MAP3K7: variants seen among roughly 807,000 people sequenced by gnomAD.
MAP3K7 encodes mitogen-activated protein kinase kinase kinase 7.
MAP3K7 carries 21 observed loss-of-function variants against 84.8 expected under a neutral mutation model. The ratio of observed to expected loss-of-function variants is 0.25; its 90% CI spans 0.18 to 0.36. The LOEUF (loss-of-function observed/expected upper bound fraction) is 0.36, where lower values mean the gene tolerates loss of function less well. Among genes scored for constraint, MAP3K7 ranks in the 10% least tolerant of loss-of-function variants. The pLI, the probability that MAP3K7 is intolerant of heterozygous loss-of-function variation, is 1.00. For missense variants in MAP3K7, 503 were observed against 747.7 expected (o/e 0.67, Z 3.82); for synonymous variants, 241 against 247.7 (o/e 0.97, Z 0.25).
At chr6:90,570,447 G>T (rs1776863828) in intron 2 of MAP3K7, among the ~76,000 whole-genome samples, 1 of 152,108 alleles carries the variant, frequency 6.6e-6, no homozygotes, top group African/African-American at 2.4e-5. Context: ...TTCCTTCCTT[G>T]ACTTCAAACA....
chr6:90,586,036 A>C (rs1459216584), intron 1 of MAP3K7, among the ~76,000 whole-genome samples: 1 of 152,354 alleles, frequency 6.6e-6, no homozygotes, highest in East Asian at 1.9e-4. Flanking sequence ...CATGCCAGGT[A>C]CTGAAGTAGA....
At chr6:90,548,909 T>C (rs1452072666) in intron 9 of MAP3K7, among the ~76,000 whole-genome samples, 1 of 151,818 alleles carries the variant, frequency 6.6e-6, no homozygotes, top group Non-Finnish European at 1.5e-5. Flanking sequence ...TCCTTAAATG[T>C]AGTGATGTAG....
At chr6:90,565,964 A>G (rs1383589581) in intron 3 of MAP3K7, among the ~76,000 whole-genome samples, 2 of 152,224 alleles carry the variant, frequency 1.3e-5, no homozygotes, top group Admixed American at 6.5e-5. Flanking sequence ...GACAAAAACC[A>G]CATAATTATC....
chr6:90,568,718 G>A, intron 2 of MAP3K7, 95 bp from the exon 3 acceptor site: 1 of 870,774 alleles, frequency 1.1e-6, no homozygotes, highest in Non-Finnish European at 1.8e-6. Context: ...CAAAACATTT[G>A]TTTAAATCAT....
intron 2 of MAP3K7, 148 bp from the exon 3 acceptor site, chr6:90,568,771 G>A: frequency 1.7e-6 from 1 of 593,124 alleles, no homozygotes; most frequent in Non-Finnish European, 2.8e-6. Flanking sequence ...TGCAATCATA[G>A]TCACTGAAAA....
intron 1 of MAP3K7, among the ~76,000 whole-genome samples, chr6:90,583,933 C>G (rs938615198): frequency 4.6e-5 from 7 of 152,086 alleles, no homozygotes; most frequent in African/African-American, 1.7e-4. Flanking sequence ...TGAATTGAAT[C>G]TAAGATGTGC....
intron 10 of MAP3K7, among the ~76,000 whole-genome samples, chr6:90,547,838 A>G (rs1776052041): frequency 6.6e-6 from 1 of 152,202 alleles, no homozygotes. Context: ...TAGAATTGGC[A>G]AAGGTAGCAA....
intron 15 of MAP3K7, among the ~76,000 whole-genome samples, chr6:90,518,914 A>T (rs1775059089): frequency 6.6e-6 from 1 of 151,806 alleles, no homozygotes; most frequent in Admixed American, 6.6e-5. Flanking sequence ...TTCAGTCACT[A>T]TGAACATGAG....
At position 90,518,521 on chromosome 6, in the gene MAP3K7, C is replaced by T. The variant is rs1775044106; in HGVS notation, c.1566G>A (p.Val522=). 1 of 1,609,592 alleles carries T rather than the reference C, an allele frequency of 6.2e-7. No homozygotes were observed. The highest frequency in any genetic ancestry group is 1.3e-5 in the African/African-American group (1 of 74,826). The change falls in exon 16 of 17, where the codon GTG becomes GTA. Residue 522 remains valine, a synonymous_variant. Transcript: ENST00000369329. Reference sequence around the variant, plus strand: ...GTGCCATTTTACAATGCTGTTCAAACACTGCCATAGATTCTTTGGAGTTTG... The same window carrying T: ...GTGCCATTTTACAATGCTGTTCAAATACTGCCATAGATTCTTTGGAGTTTG... The part of the protein sequence containing the change: ...PCPNSKESMA[V]FEQHCKMAQE...
intron 3 of MAP3K7, 97 bp from the exon 4 acceptor site, chr6:90,561,764 T>C (rs933281261): frequency 1.2e-5 from 10 of 865,640 alleles, no homozygotes; most frequent in African/African-American, 3.4e-5. Flanking sequence ...TTTATAGATA[T>C]ATTAAAAATC....
At chr6:90,577,170 G>C (rs1192474334) in intron 1 of MAP3K7, among the ~76,000 whole-genome samples, 1 of 152,220 alleles carries the variant, frequency 6.6e-6, no homozygotes, top group African/African-American at 2.4e-5. Flanking sequence ...TTTAGAAGTA[G>C]AGTCAATAGG....
intron 1 of MAP3K7, among the ~76,000 whole-genome samples, chr6:90,578,615 G>C (rs1777164621): frequency 6.6e-6 from 1 of 152,084 alleles, no homozygotes; most frequent in Admixed American, 6.6e-5. Flanking sequence ...AAGAGTATAA[G>C]CATATATCCA....
At chr6:90,564,727 A>C (rs564856157) in intron 3 of MAP3K7, among the ~76,000 whole-genome samples, 1 of 152,356 alleles carries the variant, frequency 6.6e-6, no homozygotes, top group East Asian at 1.9e-4. Context: ...GACCTAATAG[A>C]CATCTATAGA....
At position 90,560,195 on chromosome 6, in the gene MAP3K7, T is replaced by C. The variant is rs1776462858; in HGVS notation, c.363A>G (p.Pro121=). The change falls in exon 5 of 17, where the codon CCA becomes CCG. Residue 121 remains proline (P), a synonymous_variant. Coordinates refer to ENST00000369329, the MANE Select transcript of MAP3K7 (RefSeq NM_145331.3). ...CGTGGGCAGCAGTATAATATGGCAA[T>C]GGTTCAGCACCATGCAGCACTGCGA... The part of the protein sequence containing the change: ...SLYNVLHGAE[P]LPYYTAAHAM... 1 of 1,614,090 alleles carries C rather than the reference T, an allele frequency of 6.2e-7. No individual in the cohort carries two copies. The highest frequency in any genetic ancestry group is 1.1e-5 in the South Asian group (1 of 91,090).
intron 9 of MAP3K7, among the ~76,000 whole-genome samples, chr6:90,548,683 A>G (rs896513484): frequency 6.6e-6 from 1 of 151,962 alleles, no homozygotes; most frequent in Admixed American, 6.6e-5. Context: ...TGAAGAAGCC[A>G]AATGAGCAGG....
intron 6 of MAP3K7, among the ~76,000 whole-genome samples, chr6:90,553,852 G>C (rs1401783312): frequency 1.3e-5 from 2 of 152,136 alleles, no homozygotes; most frequent in African/African-American, 4.8e-5. Flanking sequence ...TTTTCATCAA[G>C]AGGCACAGGA....
chr6:90,551,263 A>T (rs997936658), intron 8 of MAP3K7: 1 of 152,176 alleles, frequency 6.6e-6, no homozygotes, highest in Non-Finnish European at 1.5e-5. Flanking sequence ...TAGATTGAAT[A>T]AACAACGTTT....
At chr6:90,586,216 CAA>C (rs1010305816) in intron 1 of MAP3K7, among the ~76,000 whole-genome samples, 2 of 151,084 alleles carry the variant, frequency 1.3e-5, no homozygotes, top group African/African-American at 2.4e-5. Flanking sequence ...ACTAAAAATA[CAA>C]AAAATTAGCC....
In MAP3K7 at chr6:90,514,006, A is replaced by G. The variant is rs991597047; in HGVS notation, c.*2495T>C. ...AAAGTGATTTTTATTGCTCACGAAT[A>G]CTTCCCTCTAGATTAGATAAAAGCT... On this transcript the variant is annotated 3_prime_UTR_variant, in exon 17 of 17. Transcript: ENST00000369329. 1.3e-5 allele frequency: 2 copies of G among 152,062 alleles called. No homozygotes were observed. The highest frequency in any genetic ancestry group is 2.9e-5 in the Non-Finnish European group (2 of 67,974). The allele number at this position is 152,062 out of a possible 1,614,324, so 9.4% of individuals were successfully genotyped here.
Sources: gnomAD v4.1 joint callset for allele counts (sites outside exome capture counted in the v4.1 genomes callset) on GRCh38, gnomAD v4.1.1 for gene constraint, MANE v1.5 for transcripts, NCBI Gene and HGNC (gene_info 2026-07-23, HGNC 2026-07-21) for gene names.